Variants in PCSK2 observed in about 807,000 individuals in gnomAD.
PCSK2 encodes proprotein convertase subtilisin/kexin type 2.
PCSK2 carries 14 observed loss-of-function variants against 69.7 expected under a neutral mutation model. The observed-to-expected ratio is 0.20, with a 90% CI of 0.13 to 0.31. PCSK2 has a LOEUF of 0.31. PCSK2 is among the 10% of genes least tolerant of loss of function. PCSK2 has a pLI of 1.00. For missense variants in PCSK2, 544 were observed against 842.5 expected, an observed-to-expected ratio of 0.65 and a Z score of 4.39; for synonymous variants, 307 against 320.7, an observed-to-expected ratio of 0.96 and a Z score of 0.46.
chr20:17,401,998 A>G (rs753794392), intron 5 of PCSK2, among the ~76,000 whole-genome samples: 1 of 152,162 alleles, frequency 6.6e-6, no homozygotes, highest in African/African-American at 2.4e-5. Context: ...ATGTGTGGGA[A>G]TCAGCCTCCA....
At chr20:17,259,783 CACAG>C (rs1271331424) in intron 1 of PCSK2, among the ~76,000 whole-genome samples, 1 of 152,168 alleles carries the variant, frequency 6.6e-6, no homozygotes, top group African/African-American at 2.4e-5. Context: ...AAGCCCAAGA[CACAG>C]ACAGACAGTT....
intron 1 of PCSK2, among the ~76,000 whole-genome samples, chr20:17,258,889 A>C (rs542022377): frequency 1.1e-4 from 16 of 152,186 alleles, no homozygotes; most frequent in African/African-American, 3.9e-4. Context: ...GAGGAAAAAA[A>C]ACAAAAAGGT....
intron 11 of PCSK2, among the ~76,000 whole-genome samples, chr20:17,471,450 T>C (rs1203967094): frequency 6.6e-6 from 1 of 152,238 alleles, no homozygotes; most frequent in Non-Finnish European, 1.5e-5. Flanking sequence ...GTCATATTCA[T>C]GGTGTAACCC....
chr20:17,426,484 C>T (rs894847257), intron 6 of PCSK2, among the ~76,000 whole-genome samples: 4 of 152,200 alleles, frequency 2.6e-5, no homozygotes, highest in Admixed American at 2.6e-4. Context: ...GATTTAATTA[C>T]TTAGTTACTT....
chr20:17,374,423 C>G (rs1568623640), intron 5 of PCSK2, among the ~76,000 whole-genome samples: 1 of 152,148 alleles, frequency 6.6e-6, no homozygotes, highest in Non-Finnish European at 1.5e-5. Flanking sequence ...TGGCAGCTTT[C>G]AGGGCATGGA....
At chr20:17,465,718 G>A (rs1355687042) in intron 11 of PCSK2, among the ~76,000 whole-genome samples, 165 bp downstream of exon 11, 1 of 152,122 alleles carries the variant, frequency 6.6e-6, no homozygotes, top group East Asian at 1.9e-4. Flanking sequence ...ACCCAGGCTG[G>A]AGTGCAGTGG....
intron 3 of PCSK2, among the ~76,000 whole-genome samples, chr20:17,359,925 G>T (rs778176067): frequency 6.6e-6 from 1 of 152,116 alleles, no homozygotes; most frequent in Admixed American, 6.6e-5. Flanking sequence ...ATTTTTGGGG[G>T]CCAGGATGAG....
At chr20:17,263,676 G>A (rs1361194288) in intron 2 of PCSK2, among the ~76,000 whole-genome samples, 1 of 152,064 alleles carries the variant, frequency 6.6e-6, no homozygotes, top group African/African-American at 2.4e-5. Context: ...TCTTAATTGT[G>A]GGTAACAGAA....
chr20:17,391,948 G>GGAAGGAAGGAAT (rs2031390363), intron 5 of PCSK2, among the ~76,000 whole-genome samples: 1 of 120,374 alleles, frequency 8.3e-6, no homozygotes, highest in East Asian at 2.4e-4. Context: ...AAGGAAGGAA[G>GGAAGGAAGGAAT]GGGAAGGGAA....
At chr20:17,249,824 G>A (rs1986906651) in intron 1 of PCSK2, among the ~76,000 whole-genome samples, 1 of 151,794 alleles carries the variant, frequency 6.6e-6, no homozygotes, top group African/African-American at 2.4e-5. Context: ...GTAGAAAGGT[G>A]GATTCCAGGG....
chr20:17,353,295 C>CAA (rs34049224), intron 2 of PCSK2, among the ~76,000 whole-genome samples: 5 of 150,306 alleles, frequency 3.3e-5, no homozygotes, highest in South Asian at 2.1e-4. Context: ...ACCCTGTCTC[C>CAA]AAAAAAAATA....
intron 4 of PCSK2, among the ~76,000 whole-genome samples, chr20:17,368,640 G>A (rs1231236914): frequency 6.6e-6 from 1 of 152,146 alleles, no homozygotes; most frequent in Non-Finnish European, 1.5e-5. Context: ...CCCTTGGAAC[G>A]ACTACTGGGC....
intron 5 of PCSK2, among the ~76,000 whole-genome samples, chr20:17,401,333 T>C (rs1186063109): frequency 6.6e-6 from 1 of 152,162 alleles, no homozygotes; most frequent in African/African-American, 2.4e-5. Context: ...AGATGTGGTG[T>C]CTGGTGAAGG....
intron 8 of PCSK2, among the ~76,000 whole-genome samples, chr20:17,440,426 A>G (rs914822786): frequency 2.6e-5 from 4 of 152,218 alleles, no homozygotes; most frequent in Non-Finnish European, 5.9e-5. Flanking sequence ...ACACATTTCC[A>G]GAAAGGAACA....
chr20:17,364,596 A>T (rs1204368521), intron 4 of PCSK2, among the ~76,000 whole-genome samples: 1 of 152,198 alleles, frequency 6.6e-6, no homozygotes, highest in East Asian at 1.9e-4. Context: ...CCACGAAAAC[A>T]GTATGGGGGA....
chr20:17,425,421 T>C lies in PCSK2; in HGVS notation c.621-4014T>C, dbSNP rs185723908. On this transcript the variant is annotated intron_variant, in intron 6 of 11. Coordinates refer to ENST00000262545, the MANE Select transcript of PCSK2 (RefSeq NM_002594.5). The stretch of plus-strand genomic sequence containing the variant: ...AGACAAGGCAGCCATTTTTTTTCTG[T>C]TCATCAAAGACTGCTTTGTACTGAT... 3.3e-5 allele frequency among the ~76,000 whole-genome samples: 5 copies of C among 152,272 alleles called. No individual in the cohort carries two copies. In the East Asian group the frequency reaches 9.6e-4, roughly 29 times the overall value.
intron 11 of PCSK2, among the ~76,000 whole-genome samples, chr20:17,473,213 C>T (rs2033236085): frequency 6.6e-6 from 1 of 151,440 alleles, no homozygotes; most frequent in South Asian, 2.1e-4. Context: ...CCTGCCTCAG[C>T]CTCCTGAGTA....
At chr20:17,303,495 A>AAAT (rs1568593668) in intron 2 of PCSK2, among the ~76,000 whole-genome samples, 3,282 of 62,076 alleles carry the variant, frequency 0.053, 121 homozygotes, top group African/African-American at 0.061. Flanking sequence ...TATTATATTT[A>AAAT]ATATAATATA....
chr20:17,285,301 A>T (rs1988473720), intron 2 of PCSK2, among the ~76,000 whole-genome samples: 1 of 152,212 alleles, frequency 6.6e-6, no homozygotes, highest in Admixed American at 6.5e-5. Context: ...ATTAGTTAAC[A>T]TCAAGTCATG....
Sources: gnomAD v4.1 joint callset for allele counts (sites outside exome capture counted in the v4.1 genomes callset) on GRCh38, gnomAD v4.1.1 for gene constraint, MANE v1.5 for transcripts, NCBI Gene and HGNC (gene_info 2026-07-23, HGNC 2026-07-21) for gene names.